Variants in ANKFN1 observed in about 807,000 individuals in gnomAD.
The protein encoded by ANKFN1 is ankyrin repeat and fibronectin type III domain containing 1.
Under a neutral mutation model 108.7 loss-of-function variants are expected in ANKFN1, and 74 were observed. That is an observed-to-expected ratio of 0.68 (90% CI 0.56 to 0.83). The LOEUF (loss-of-function observed/expected upper bound fraction) is 0.83, where lower values mean the gene tolerates loss of function less well. ANKFN1 is among the 40% of genes least tolerant of loss of function. The pLI, the probability that ANKFN1 is intolerant of heterozygous loss-of-function variation, is 0.00. For missense variants in ANKFN1, 1,505 were observed against 1,382.3 expected (o/e 1.09, Z -1.41); for synonymous variants, 547 against 516.2 (o/e 1.06, Z -0.81).
At chr17:56,360,937 A>C (rs1380417247) in intron 6 of ANKFN1, among the ~76,000 whole-genome samples, 3 of 152,128 alleles carry the variant, frequency 2.0e-5, no homozygotes, top group Non-Finnish European at 4.4e-5. Flanking sequence ...AGATCCCCAG[A>C]TCTTGTTCAT....
chr17:56,353,427 G>A (rs555953604), intron 5 of ANKFN1, among the ~76,000 whole-genome samples: 1 of 152,048 alleles, frequency 6.6e-6, no homozygotes, highest in South Asian at 2.1e-4. Flanking sequence ...TGTAGAGATG[G>A]GGTTTCACTA....
At chr17:56,379,468 A>G (rs1356004010) in intron 8 of ANKFN1, among the ~76,000 whole-genome samples, 6 of 152,004 alleles carry the variant, frequency 3.9e-5, no homozygotes, top group African/African-American at 1.2e-4. Context: ...CAAACTCTAT[A>G]GTGAGTTCGA....
chr17:56,444,573 TG>T (rs2049219964), intron 10 of ANKFN1, among the ~76,000 whole-genome samples: 1 of 152,198 alleles, frequency 6.6e-6, no homozygotes, highest in Admixed American at 6.5e-5. Context: ...CACTATCATC[TG>T]CATCTCTATC....
At chr17:56,443,665 A>G (rs1264408500) in intron 10 of ANKFN1, among the ~76,000 whole-genome samples, 1 of 152,240 alleles carries the variant, frequency 6.6e-6, no homozygotes, top group Non-Finnish European at 1.5e-5. Flanking sequence ...CATAATCTAT[A>G]GCATTTGTAG....
intron 14 of ANKFN1, among the ~76,000 whole-genome samples, chr17:56,464,155 A>G (rs887784): frequency 0.67 from 101,792 of 152,036 alleles, 34,473 homozygotes; most frequent in East Asian, 0.87. Flanking sequence ...CTCTCCTCAA[A>G]GCTAGCTATC....
At chr17:56,344,317 T>C (rs1383624585) in intron 4 of ANKFN1, among the ~76,000 whole-genome samples, 1 of 152,062 alleles carries the variant, frequency 6.6e-6, no homozygotes, top group Admixed American at 6.6e-5. Flanking sequence ...GTTAACTTAG[T>C]GGTGAGTTAA....
At chr17:56,369,591 A>AGTTT (rs1286171720) in intron 6 of ANKFN1, among the ~76,000 whole-genome samples, 1 of 152,156 alleles carries the variant, frequency 6.6e-6, no homozygotes, top group African/African-American at 2.4e-5. Flanking sequence ...ATATTAACCC[A>AGTTT]GTTTGTTAGG....
intron 3 of ANKFN1, among the ~76,000 whole-genome samples, chr17:56,241,515 A>G (rs1917582679): frequency 6.6e-6 from 1 of 152,062 alleles, no homozygotes; most frequent in South Asian, 2.1e-4. Flanking sequence ...TCTATTGATC[A>G]TTGTCTGACC....
At chr17:56,409,985 A>G (rs2048039175) in intron 8 of ANKFN1, among the ~76,000 whole-genome samples, 1 of 152,162 alleles carries the variant, frequency 6.6e-6, no homozygotes, top group Non-Finnish European at 1.5e-5. Context: ...ATTTTTTTAA[A>G]AAAACTGAAA....
intron 17 of ANKFN1, among the ~76,000 whole-genome samples, chr17:56,482,022 C>A (rs1598697931): frequency 6.6e-6 from 1 of 151,992 alleles, no homozygotes; most frequent in African/African-American, 2.4e-5. Context: ...CCTTAACCAA[C>A]TTAAATTGAA....
At chr17:56,435,895 C>A (rs1202820202) in intron 8 of ANKFN1, among the ~76,000 whole-genome samples, 1 of 152,132 alleles carries the variant, frequency 6.6e-6, no homozygotes, top group Non-Finnish European at 1.5e-5. Context: ...ATTATCTAAT[C>A]CACATCATAA....
intron 2 of ANKFN1, among the ~76,000 whole-genome samples, chr17:56,213,363 C>T (rs1022834612): frequency 6.6e-6 from 1 of 152,138 alleles, no homozygotes; most frequent in Admixed American, 6.5e-5. Flanking sequence ...AAGCCTACCC[C>T]CTATAGAAAC....
intron 4 of ANKFN1, among the ~76,000 whole-genome samples, chr17:56,098,822 G>A (rs532941567): frequency 2.6e-5 from 4 of 151,978 alleles, no homozygotes; most frequent in South Asian, 2.1e-4. Context: ...TACTGCTGCC[G>A]AGAGTAAATC....
intron 3 of ANKFN1, among the ~76,000 whole-genome samples, chr17:56,276,628 CT>C (rs2043941881): frequency 6.6e-6 from 1 of 152,132 alleles, no homozygotes; most frequent in East Asian, 1.9e-4. Flanking sequence ...TTTCATGTGT[CT>C]GTTGGCTGCA....
At chr17:56,308,685 C>T (rs2044918171) in intron 3 of ANKFN1, among the ~76,000 whole-genome samples, 1 of 152,084 alleles carries the variant, frequency 6.6e-6, no homozygotes, top group South Asian at 2.1e-4. Flanking sequence ...ATTTACTGTT[C>T]ATGTTAGCTG....
chr17:56,222,755 A>ATTG lies in ANKFN1; in HGVS notation c.13-5158_13-5156dup, dbSNP rs1362978826. Among the ~76,000 whole-genome samples, 50 of 152,192 alleles carry ATTG rather than the reference A, an allele frequency of 3.3e-4. 1 individual carries two copies. Among genetic ancestry groups the ATTG allele is most frequent in the South Asian group, 4.1e-4 (2 of 4,832 alleles). ...AAAATACACATAGAGGACACATCTT[A>ATTG]TTGTTGATAGAGGGTGAATAGTTTC... On this transcript the variant is annotated intron_variant, in intron 2 of 20. Transcript: ENST00000682825.
chr17:56,499,219 G>A, intron 20 of ANKFN1, 121 bp downstream of exon 20: 1 of 925,214 alleles, frequency 1.1e-6, no homozygotes, highest in Non-Finnish European at 1.6e-6. Flanking sequence ...ACTGCTCAGG[G>A]GTAAGAGTCT....
At chr17:56,198,372 C>T (rs774196592) in intron 1 of ANKFN1, among the ~76,000 whole-genome samples, 29 of 152,262 alleles carry the variant, frequency 1.9e-4, no homozygotes, top group African/African-American at 4.8e-5. Flanking sequence ...GTAGGGTTGG[C>T]GCTCCTGTGA....
At chr17:56,452,965 CTCAT>C (rs1302600901) in intron 11 of ANKFN1, among the ~76,000 whole-genome samples, 1 of 152,068 alleles carries the variant, frequency 6.6e-6, no homozygotes, top group Non-Finnish European at 1.5e-5. Flanking sequence ...TTATATATAC[CTCAT>C]TCATTCATTG....
Sources: gnomAD v4.1 joint callset for allele counts (sites outside exome capture counted in the v4.1 genomes callset) on GRCh38, gnomAD v4.1.1 for gene constraint, MANE v1.5 for transcripts, NCBI Gene and HGNC (gene_info 2026-07-23, HGNC 2026-07-21) for gene names.